Variants in KCTD16 observed in about 807,000 individuals in gnomAD.
KCTD16 encodes potassium channel tetramerization domain containing 16, also known as BTB/POZ domain-containing protein KCTD16.
Under a neutral mutation model 33.2 loss-of-function variants are expected in KCTD16, and 13 were observed. The ratio of observed to expected loss-of-function variants is 0.39; its 90% CI spans 0.25 to 0.62. The LOEUF is 0.62. Ranked by LOEUF, KCTD16 falls within the 20% of genes least tolerant of loss-of-function variation. The pLI is 0.50. For missense variants in KCTD16, 441 were observed against 525.1 expected, an observed-to-expected ratio of 0.84 and a Z score of 1.57; for synonymous variants, 197 against 195.3, an observed-to-expected ratio of 1.01 and a Z score of -0.07.
At chr5:144,252,869 GT>G (rs924758323) in intron 3 of KCTD16, among the ~76,000 whole-genome samples, 2 of 139,734 alleles carry the variant, frequency 1.4e-5, no homozygotes, top group Non-Finnish European at 3.1e-5. Flanking sequence ...GAGGAGGGTT[GT>G]TTTTTTTTCT....
At chr5:144,222,017 G>A (rs1753772510) in intron 3 of KCTD16, among the ~76,000 whole-genome samples, 1 of 152,204 alleles carries the variant, frequency 6.6e-6, no homozygotes, top group Non-Finnish European at 1.5e-5. Context: ...CTAATGACCA[G>A]TGATGATGAG....
intron 3 of KCTD16, among the ~76,000 whole-genome samples, chr5:144,374,758 T>C (rs1345470728): frequency 6.6e-6 from 1 of 152,204 alleles, no homozygotes; most frequent in Non-Finnish European, 1.5e-5. Flanking sequence ...ACTTTTTTTT[T>C]TCCTGATAAA....
At chr5:144,261,167 C>CAAAAAAAAAA (rs1299878040) in intron 3 of KCTD16, among the ~76,000 whole-genome samples, 3 of 78,070 alleles carry the variant, frequency 3.8e-5, no homozygotes, top group African/African-American at 9.5e-5. Flanking sequence ...GGAACAACAA[C>CAAAAAAAAAA]AAAAAAAAAA....
At chr5:144,328,872 T>TTG (rs1752280311) in intron 3 of KCTD16, among the ~76,000 whole-genome samples, 1 of 151,940 alleles carries the variant, frequency 6.6e-6, no homozygotes, top group Non-Finnish European at 1.5e-5. Context: ...TCTTTTTTTT[T>TTG]TTTTATCAGC....
intron 3 of KCTD16, among the ~76,000 whole-genome samples, chr5:144,382,641 C>T (rs1196593637): frequency 6.6e-6 from 1 of 152,158 alleles, no homozygotes; most frequent in African/African-American, 2.4e-5. Context: ...ATCCACATAC[C>T]TAGCCACCAG....
intron 3 of KCTD16, among the ~76,000 whole-genome samples, chr5:144,261,167 C>CAAAAAAAAAAA (rs1299878040): frequency 3.2e-4 from 25 of 78,064 alleles, no homozygotes; most frequent in East Asian, 4.1e-4. Context: ...GGAACAACAA[C>CAAAAAAAAAAA]AAAAAAAAAA....
chr5:144,397,701 T>G (rs1752605949), intron 3 of KCTD16, among the ~76,000 whole-genome samples: 1 of 152,202 alleles, frequency 6.6e-6, no homozygotes, highest in Admixed American at 6.5e-5. Context: ...AAAGTTCATA[T>G]GGAGCCAAAA....
chr5:144,274,278 A>G (rs1755383636), intron 3 of KCTD16, among the ~76,000 whole-genome samples: 1 of 150,298 alleles, frequency 6.7e-6, no homozygotes, highest in South Asian at 2.1e-4. Context: ...TGTGGTATTC[A>G]TGGTAGGAGG....
chr5:144,473,511 G>A, intron 3 of KCTD16, 149 bp from the exon 4 acceptor site: 1 of 731,406 alleles, frequency 1.4e-6, no homozygotes, highest in Non-Finnish European at 2.2e-6. Flanking sequence ...ACCTGTTGCA[G>A]CCCACCCTGG....
intron 1 of KCTD16, among the ~76,000 whole-genome samples, chr5:144,172,414 G>C (rs961026322): frequency 5.9e-5 from 9 of 152,172 alleles, no homozygotes; most frequent in African/African-American, 2.2e-4. Context: ...GCTTTGTGTA[G>C]AGAAAATTAT....
chr5:144,389,025 C>G (rs956781546), intron 3 of KCTD16, among the ~76,000 whole-genome samples: 1 of 152,162 alleles, frequency 6.6e-6, no homozygotes, highest in Non-Finnish European at 1.5e-5. Context: ...TCTTTGAGAG[C>G]CACAGAAATT....
At chr5:144,425,639 CA>C (rs1753310674) in intron 3 of KCTD16, among the ~76,000 whole-genome samples, 2 of 152,062 alleles carry the variant, frequency 1.3e-5, no homozygotes, top group East Asian at 3.9e-4. Flanking sequence ...TGGATGTTGC[CA>C]AGACTTATGG....
chr5:144,431,033 C>G (rs1753447656), intron 3 of KCTD16, among the ~76,000 whole-genome samples: 1 of 152,014 alleles, frequency 6.6e-6, no homozygotes, highest in Non-Finnish European at 1.5e-5. Flanking sequence ...ACGTATAGCC[C>G]CAAGAAAGCT....
Position 144,454,974 on chromosome 5 carries a change from G to A in KCTD16, c.833-18686G>A, listed in dbSNP as rs184814436. Reference sequence around the variant, plus strand: ...TAAGGCTACAGTAGCAGACAAAAAAGACAAAAATTATTGGTTTCTTAAAGC... The same window carrying A: ...TAAGGCTACAGTAGCAGACAAAAAAAACAAAAATTATTGGTTTCTTAAAGC... On this transcript the variant is annotated intron_variant, in intron 3 of 3. Transcript: ENST00000512467. 1.1e-4 allele frequency among the ~76,000 whole-genome samples: 17 copies of A among 152,192 alleles called. No homozygotes were observed. The East Asian group carries it at 3.3e-3, about 29-fold the overall frequency.
intron 3 of KCTD16, among the ~76,000 whole-genome samples, chr5:144,350,709 C>G (rs956356835): frequency 8.6e-5 from 13 of 151,844 alleles, no homozygotes; most frequent in Non-Finnish European, 1.9e-4. Flanking sequence ...CAGCATCAGG[C>G]AATTTATATT....
intron 3 of KCTD16, among the ~76,000 whole-genome samples, chr5:144,383,518 A>T (rs1752259848): frequency 6.9e-6 from 1 of 145,310 alleles, no homozygotes; most frequent in Non-Finnish European, 1.5e-5. Context: ...AGCTGATTTG[A>T]AGGCAAAAAG....
At chr5:144,201,378 G>T (rs529307640) in intron 2 of KCTD16, among the ~76,000 whole-genome samples, 1 of 152,256 alleles carries the variant, frequency 6.6e-6, no homozygotes, top group South Asian at 2.1e-4. Context: ...ACAAGCAATG[G>T]TGTTAACCTG....
At chr5:144,406,485 A>G (rs924580152) in intron 3 of KCTD16, among the ~76,000 whole-genome samples, 7 of 152,320 alleles carry the variant, frequency 4.6e-5, no homozygotes, top group Middle Eastern at 6.8e-3. Flanking sequence ...TTTACCAATG[A>G]TCTGTTCTAG....
At chr5:144,339,939 C>A (rs1241149716) in intron 3 of KCTD16, among the ~76,000 whole-genome samples, 1 of 152,176 alleles carries the variant, frequency 6.6e-6, no homozygotes, top group Non-Finnish European at 1.5e-5. Context: ...TAATATAGTG[C>A]TTGTCACTGC....
Sources: gnomAD v4.1 joint callset for allele counts (sites outside exome capture counted in the v4.1 genomes callset) on GRCh38, gnomAD v4.1.1 for gene constraint, MANE v1.5 for transcripts, NCBI Gene and HGNC (gene_info 2026-07-23, HGNC 2026-07-21) for gene names.